POF1B: variants seen among roughly 807,000 people sequenced by gnomAD.
The protein encoded by POF1B is POF1B actin binding protein.
POF1B carries 53 observed loss-of-function variants against 55.3 expected under a neutral mutation model. That is an observed-to-expected ratio of 0.96 (90% CI 0.77 to 1.20). The LOEUF (loss-of-function observed/expected upper bound fraction) is 1.20, where lower values mean the gene tolerates loss of function less well. POF1B is among the 50% of genes most tolerant of loss of function. The pLI is 0.00. For synonymous variants in POF1B, 188 were observed against 148.3 expected (o/e 1.27, Z -1.95); for missense variants, 478 against 420.5 (o/e 1.14, Z -1.20).
chrX:85,361,355 T>C (rs1015820279), intron 3 of POF1B, among the ~76,000 whole-genome samples: 1 of 111,983 alleles, frequency 8.9e-6, no homozygotes, highest in African/African-American at 3.2e-5. Context: ...CATTTAAGAC[T>C]GTAATCAGTC....
chrX:85,318,099 T>C (rs1457692732), intron 7 of POF1B, among the ~76,000 whole-genome samples: 1 of 111,337 alleles, frequency 9.0e-6, no homozygotes, highest in African/African-American at 3.3e-5. Context: ...AGGAAGAGGA[T>C]CAGGAAAAAT....
intron 4 of POF1B, among the ~76,000 whole-genome samples, chrX:85,358,549 C>T (rs181930367): frequency 6.2e-4 from 69 of 111,039 alleles, no homozygotes; most frequent in Admixed American, 1.4e-3. Context: ...ATTTCTGGAT[C>T]AAATGTTAAC....
intron 3 of POF1B, among the ~76,000 whole-genome samples, chrX:85,366,411 T>C (rs1414154778): frequency 1.8e-5 from 2 of 111,633 alleles, no homozygotes; most frequent in Non-Finnish European, 3.8e-5. Context: ...AGTAGTAATC[T>C]CTAGGTGGGG....
intron 6 of POF1B, among the ~76,000 whole-genome samples, chrX:85,335,860 A>G (rs1418436103): frequency 9.0e-6 from 1 of 110,583 alleles, no homozygotes; most frequent in East Asian, 2.8e-4. Context: ...CAAACAATTC[A>G]TAATGCTCTT....
rs1057516017 is a variant in POF1B, at chrX:85,277,735, C to A, written c.*1686G>T. The A allele has an allele frequency of 9.0e-6, 1 of 110,561 alleles. No individual in the cohort carries two copies. 9.1% of individuals were successfully genotyped at this position (110,561 alleles called of 1,213,427 possible). A position where few individuals can be genotyped will look rare whatever the true frequency, so the allele number is the denominator to read the frequency against. ...TAGTGACCTCTAGTTCCATCCATGA[C>A]TCCTTAACTGCCCCTGAATTTTTGA... On this transcript the variant is annotated 3_prime_UTR_variant, in exon 17 of 17. Transcript: ENST00000262753.
chrX:85,356,551 GA>G (rs1012898250), intron 4 of POF1B, among the ~76,000 whole-genome samples: 26 of 104,959 alleles, frequency 2.5e-4, no homozygotes, highest in Admixed American at 7.1e-4. Flanking sequence ...ATGTCTTACT[GA>G]AAAAAAAAAC....
chrX:85,282,741 T>C (rs1471272601), intron 15 of POF1B, among the ~76,000 whole-genome samples: 1 of 109,679 alleles, frequency 9.1e-6, no homozygotes, highest in Admixed American at 9.7e-5. Context: ...CACCCAGAGT[T>C]TGTGGGGCAG....
At position 85,297,084 on chromosome X, in the gene POF1B, G is replaced by T. The variant is rs373340370; in HGVS notation, c.1649+6322C>A. ...TTTTTCAATTCCAGAAGTTCCATTT[G>T]GTTCTTTCTTAAAGTGGCTATTTTG... On this transcript the variant is annotated intron_variant, in intron 15 of 16. Coordinates refer to ENST00000262753, the MANE Select transcript of POF1B (RefSeq NM_024921.4). Among the ~76,000 whole-genome samples, 3 of 111,828 alleles carry T rather than the reference G, an allele frequency of 2.7e-5. No homozygotes were observed. The East Asian group carries it at 8.5e-4, about 32-fold the overall frequency.
intron 15 of POF1B, among the ~76,000 whole-genome samples, chrX:85,297,800 T>A (rs1299691150): frequency 1.8e-5 from 2 of 111,890 alleles, no homozygotes; most frequent in African/African-American, 6.5e-5. Flanking sequence ...TGGGGCTCTC[T>A]CAGGCAGAGA....
intron 15 of POF1B, 100 bp from the exon 16 acceptor site, chrX:85,282,417 G>A (rs760106897): frequency 1.3e-5 from 6 of 475,517 alleles, no homozygotes; most frequent in South Asian, 1.8e-4. Flanking sequence ...AAGCCAATTC[G>A]GCTCTGAATG....
At chrX:85,306,091 G>T in intron 12 of POF1B, 90 bp downstream of exon 12, 1 of 973,105 alleles carries the variant, frequency 1.0e-6, no homozygotes, top group Non-Finnish European at 1.4e-6. Flanking sequence ...AACAGTATGT[G>T]AGGGAAAGCA....
At chrX:85,346,870 T>C (rs141062810) in intron 5 of POF1B, among the ~76,000 whole-genome samples, 2,044 of 110,814 alleles carry the variant, frequency 0.018, 22 homozygotes, top group Non-Finnish European at 0.03. Context: ...AACTCTGAGG[T>C]CTAGAAAAGT....
intron 7 of POF1B, among the ~76,000 whole-genome samples, chrX:85,323,392 C>A (rs774683627): frequency 1.2e-3 from 109 of 93,624 alleles, no homozygotes; most frequent in Admixed American, 2.8e-3. Context: ...AGGAATTGAA[C>A]AATGAGAACA....
chrX:85,332,460 C>T lies in POF1B; in HGVS notation c.724-1381G>A, dbSNP rs193185832. ...GGCACTGTGGCTCCCATCCCCAAAA[C>T]GCACTGCCTGGAGGATAATAACTTA... On this transcript the variant is annotated intron_variant, in intron 6 of 16. Transcript: ENST00000262753. Among the ~76,000 whole-genome samples, 504 of 110,888 alleles carry T rather than the reference C, an allele frequency of 4.5e-3. 1 individual carries two copies. Among genetic ancestry groups the T allele is most frequent in the African/African-American group, 0.015 (466 of 30,614 alleles).
Position 85,372,194 on chromosome X carries a change from A to C in POF1B, c.283-4428T>G, listed in dbSNP as rs1933834840. On this transcript the variant is annotated intron_variant, in intron 2 of 16. Coordinates refer to ENST00000262753, the MANE Select transcript of POF1B (RefSeq NM_024921.4). ...CCCGTCTCTACTAAAAATACAAAAA[A>C]ATAGCCGGGTGTGGTGGCGGGCGCC... Among the ~76,000 whole-genome samples the C allele has an allele frequency of 4.6e-5, 5 of 109,535 alleles. No homozygotes were observed. The South Asian group carries it at 2.0e-3, about 44-fold the overall frequency.
At chrX:85,282,123 T>C in intron 16 of POF1B, 80 bp downstream of exon 16, 1 of 997,758 alleles carries the variant, frequency 1.0e-6, no homozygotes, top group South Asian at 3.8e-5. Context: ...AGTTTTTAGT[T>C]CATTTGATAT....
chrX:85,303,845 A>G lies in POF1B; in HGVS notation c.1567-357T>C, dbSNP rs777304294. On this transcript the variant is annotated intron_variant, in intron 14 of 16. Transcript: ENST00000262753. ...ATAGAAGAAAAGTATTGAAACTTCA[A>G]TATATAAGCAGATATAGTTTCTTAA... Among the ~76,000 whole-genome samples the G allele has an allele frequency of 2.7e-5, 3 of 111,585 alleles. No homozygotes were observed. In the East Asian group the frequency reaches 8.5e-4, roughly 32 times the overall value.
chrX:85,282,409 G>T, intron 15 of POF1B, 92 bp from the exon 16 acceptor site: 1 of 531,263 alleles, frequency 1.9e-6, no homozygotes, highest in Non-Finnish European at 2.8e-6. Context: ...CCCTAATTAA[G>T]CCAATTCGGC....
chrX:85,350,302 C>A (rs1414253778), intron 5 of POF1B, among the ~76,000 whole-genome samples: 1 of 108,712 alleles, frequency 9.2e-6, no homozygotes, highest in African/African-American at 3.4e-5. Context: ...TTTGTTCTTG[C>A]GATAGTTTAC....
Sources: allele counts gnomAD v4.1 joint callset (sites outside exome capture counted in the v4.1 genomes callset), GRCh38; gene constraint gnomAD v4.1.1; transcripts MANE v1.5; gene names NCBI Gene and HGNC (gene_info 2026-07-23, HGNC 2026-07-21).